PHACTR2: variants seen among roughly 807,000 people sequenced by gnomAD.
PHACTR2 encodes the protein chromosome 6 open reading frame 56.
A neutral mutation model predicts 76.0 loss-of-function variants in PHACTR2; 30 were observed. That is an observed-to-expected ratio of 0.39 (90% CI 0.30 to 0.54). PHACTR2 has a LOEUF of 0.54. PHACTR2 is among the 20% of genes least tolerant of loss of function. The pLI, the probability that PHACTR2 is intolerant of heterozygous loss-of-function variation, is 0.61. For synonymous variants in PHACTR2, 292 were observed against 292.5 expected, an observed-to-expected ratio of 1.00 and a Z score of 0.02; for missense variants, 696 against 781.1, an observed-to-expected ratio of 0.89 and a Z score of 1.30.
At chr6:143,744,004 C>T (rs776000524) in intron 2 of PHACTR2, among the ~76,000 whole-genome samples, 4 of 152,228 alleles carry the variant, frequency 2.6e-5, no homozygotes, top group Non-Finnish European at 5.9e-5. Flanking sequence ...TGCAGCTCCA[C>T]AGCTACCTCT....
chr6:143,748,169 G>T (rs979116250), intron 2 of PHACTR2, among the ~76,000 whole-genome samples: 1 of 152,110 alleles, frequency 6.6e-6, no homozygotes, highest in African/African-American at 2.4e-5. Flanking sequence ...GGGTTCAGGC[G>T]ATTTTCCTGC....
At chr6:143,579,706 G>A (rs1775551392) in intron 1 of PHACTR2, among the ~76,000 whole-genome samples, 1 of 152,040 alleles carries the variant, frequency 6.6e-6, no homozygotes, top group Admixed American at 6.6e-5. Context: ...CCACTGCACC[G>A]AGACGATCAG....
At chr6:143,815,381 A>C (rs189525840) in intron 12 of PHACTR2, among the ~76,000 whole-genome samples, 4 of 152,234 alleles carry the variant, frequency 2.6e-5, no homozygotes, top group Admixed American at 6.5e-5. Context: ...CGGCCACTGC[A>C]CTCCAGCCGT....
rs987383770 is a variant in PHACTR2, at chr6:143,596,856, A to G, written c.217+59649A>G. Among the ~76,000 whole-genome samples, 1 of 152,064 alleles carries G rather than the reference A, an allele frequency of 6.6e-6. No individual in the cohort carries two copies. The highest frequency in any genetic ancestry group is 1.5e-5 in the Non-Finnish European group (1 of 68,012). ...TCATCTCAAAAAAAATAAAAATAAA[A>G]ATAAAAAGAATCATGGCGTCCAACT... On this transcript the variant is annotated intron_variant, in intron 1 of 11. Coordinates refer to the PHACTR2 transcript ENST00000367584. The surrounding 1 kb of genome is among the most constrained non-coding windows in gnomAD (Gnocchi z 4.6).
rs1049898722 is a variant in PHACTR2, at chr6:143,608,353, C to T, written c.13+31C>T. 6.2e-7 allele frequency: 1 copy of T among 1,612,138 alleles called. No homozygotes were observed. Among genetic ancestry groups the T allele is most frequent in the African/African-American group, 1.3e-5 (1 of 74,902 alleles). On this transcript the variant is annotated intron_variant, in intron 1 of 11. Transcript: ENST00000305766. This position sits in a 1 kb window ranked among gnomAD's most constrained non-coding sequence, Gnocchi z 4.6. ...TAAATCAAGCATGAATTCTTCATAG[C>T]TGCTGGCTTCCTTTGCAGCCCGCAT...
At chr6:143,565,624 G>C (rs1416388044) in intron 1 of PHACTR2, among the ~76,000 whole-genome samples, 1 of 149,402 alleles carries the variant, frequency 6.7e-6, no homozygotes, top group African/African-American at 2.5e-5. Flanking sequence ...AAAAAAAAAA[G>C]AGTGCCAAAA....
At chr6:143,615,927 G>C (rs755220647) in intron 1 of PHACTR2, among the ~76,000 whole-genome samples, 11 of 152,046 alleles carry the variant, frequency 7.2e-5, no homozygotes, top group Non-Finnish European at 1.5e-4. Context: ...TCCAAACTCT[G>C]TACTACTCTG....
upstream of PHACTR2, among the ~76,000 whole-genome samples, chr6:143,676,810 T>A (rs771801591): frequency 1.7e-4 from 26 of 152,150 alleles, no homozygotes; most frequent in Non-Finnish European, 3.2e-4. This position sits in a 1 kb window ranked among gnomAD's most constrained non-coding sequence, Gnocchi z 4.8. Context: ...TGGATCACAC[T>A]TTTTTAGGGA....
At chr6:143,686,896 T>TA (rs1777538877) in intron 1 of PHACTR2, among the ~76,000 whole-genome samples, 2 of 152,280 alleles carry the variant, frequency 1.3e-5, no homozygotes, top group South Asian at 4.1e-4. Flanking sequence ...TGACCGTAAT[T>TA]AAAGTCATGA....
chr6:143,608,030 C>A, upstream of PHACTR2: 1 of 469,304 alleles, frequency 2.1e-6, no homozygotes, highest in Non-Finnish European at 3.8e-6. This position sits in a 1 kb window ranked among gnomAD's most constrained non-coding sequence, Gnocchi z 4.6. Context: ...GATTTTTTTC[C>A]CCCTCCTTAG....
chr6:143,792,853 C>G (rs765199915), intron 11 of PHACTR2, among the ~76,000 whole-genome samples: 1 of 152,186 alleles, frequency 6.6e-6, no homozygotes, highest in Non-Finnish European at 1.5e-5. Context: ...GCTATATGGC[C>G]TTTCCTGATC....
intron 2 of PHACTR2, among the ~76,000 whole-genome samples, chr6:143,747,803 G>T (rs568603619): frequency 1.3e-5 from 2 of 152,284 alleles, no homozygotes; most frequent in Admixed American, 1.3e-4. Flanking sequence ...TGTTGACTCA[G>T]GATTAATAGA....
intron 1 of PHACTR2, among the ~76,000 whole-genome samples, chr6:143,576,250 T>C (rs1775506364): frequency 6.6e-6 from 1 of 152,224 alleles, no homozygotes; most frequent in African/African-American, 2.4e-5. Context: ...CTGGAAGAGA[T>C]GCTGCTGTAT....
At position 143,830,536 on chromosome 6, in the gene PHACTR2, T is replaced by C. The variant is rs1394585049; in HGVS notation, c.*6847T>C. ...TCTCTTTTGTTGTTCTTATCTGTAC[T>C]GTATTATAGTATGTGGGTATAAATA... On this transcript the variant is annotated 3_prime_UTR_variant, in exon 13 of 13. Coordinates refer to ENST00000440869, the MANE Select transcript of PHACTR2 (RefSeq NM_001100164.2). The C allele has an allele frequency of 6.6e-6, 1 of 152,210 alleles. No individual in the cohort carries two copies. The highest frequency in any genetic ancestry group is 1.5e-5 in the Non-Finnish European group (1 of 68,038). The allele number at this position is 152,210 out of a possible 1,614,324, so 9.4% of individuals were successfully genotyped here.
intron 2 of PHACTR2, among the ~76,000 whole-genome samples, chr6:143,734,427 A>G (rs2128466344): frequency 6.6e-6 from 1 of 152,336 alleles, no homozygotes; most frequent in Non-Finnish European, 1.5e-5. Flanking sequence ...GGGTTGCACC[A>G]TAGACCTGAC....
chr6:143,710,430 C>T lies in PHACTR2; in HGVS notation c.47-1586C>T, dbSNP rs184469992. ...AGTTTGGGCTGCGTGTGGTGGCTCA[C>T]GCCTGTAATCCCAGCAGTTTGGGAG... On this transcript the variant is annotated intron_variant, in intron 1 of 12. Coordinates refer to ENST00000440869, the MANE Select transcript of PHACTR2 (RefSeq NM_001100164.2). The surrounding 1 kb of genome is among the most constrained non-coding windows in gnomAD (Gnocchi z 4.9). Among the ~76,000 whole-genome samples the T allele has an allele frequency of 2.1e-4, 32 of 152,294 alleles. No individual in the cohort carries two copies. Among genetic ancestry groups the T allele is most frequent in the African/African-American group, 7.5e-4 (31 of 41,562 alleles).
At position 143,831,155 on chromosome 6, in the gene PHACTR2, T is replaced by C. The variant is rs1338484014; in HGVS notation, c.*7466T>C. 1 of 152,224 alleles carries C rather than the reference T, an allele frequency of 6.6e-6. No homozygotes were observed. Among genetic ancestry groups the C allele is most frequent in the Non-Finnish European group, 1.5e-5 (1 of 68,030 alleles). The allele number at this position is 152,224 out of a possible 1,614,324, so 9.4% of individuals were successfully genotyped here. A position where few individuals can be genotyped will look rare whatever the true frequency, so the allele number is the denominator to read the frequency against. ...TAAAAGATAGTCCATTTAGAGTTTA[T>C]AATATAGAAAATAAACAGACTTCCT... On this transcript the variant is annotated 3_prime_UTR_variant, in exon 13 of 13. Coordinates refer to ENST00000440869, the MANE Select transcript of PHACTR2 (RefSeq NM_001100164.2). This position sits in a 1 kb window ranked among gnomAD's most constrained non-coding sequence, Gnocchi z 5.2.
chr6:143,716,597 C>G (rs1203325074), intron 2 of PHACTR2, among the ~76,000 whole-genome samples: 1 of 152,196 alleles, frequency 6.6e-6, no homozygotes, highest in Non-Finnish European at 1.5e-5. Flanking sequence ...CCTCAGCTTA[C>G]TGAAGTGCTG....
At chr6:143,817,854 TA>T (rs947760369) in intron 12 of PHACTR2, among the ~76,000 whole-genome samples, 1 of 151,882 alleles carries the variant, frequency 6.6e-6, no homozygotes, top group African/African-American at 2.4e-5. Flanking sequence ...ATAAAGAGGG[TA>T]GGGGAAAGGA....
Sources: gnomAD v4.1 joint callset for allele counts (sites outside exome capture counted in the v4.1 genomes callset) on GRCh38, gnomAD v4.1.1 for gene constraint, Gnocchi (gnomAD v3.1) non-coding constraint, MANE v1.5 for transcripts, NCBI Gene and HGNC (gene_info 2026-07-23, HGNC 2026-07-21) for gene names.